HLA-DPB1: variants seen among roughly 807,000 people sequenced by gnomAD.
The protein encoded by HLA-DPB1 is major histocompatibility complex, class II, DP beta 1, also known as HLA class II histocompatibility antigen, DP beta 1 chain.
Under a neutral mutation model 29.4 loss-of-function variants are expected in HLA-DPB1, and 30 were observed. That is an observed-to-expected ratio of 1.02 (90% CI 0.76 to 1.38). The LOEUF (loss-of-function observed/expected upper bound fraction) is 1.38, where lower values mean the gene tolerates loss of function less well. HLA-DPB1 is among the 40% of genes most tolerant of loss of function. The pLI, the probability that HLA-DPB1 is intolerant of heterozygous loss-of-function variation, is 0.00. For synonymous variants in HLA-DPB1, 114 were observed against 134.0 expected (o/e 0.85, Z 1.03); for missense variants, 261 against 327.5 (o/e 0.80, Z 1.57).
chr6:33,081,986 A>G (rs1482112646), intron 2 of HLA-DPB1: 1 of 151,772 alleles, frequency 6.6e-6, no homozygotes, highest in African/African-American at 2.4e-5. Context: ...TGTGGGATTG[A>G]GCCCTGGACC....
At chr6:33,081,800 CT>C (rs66493667) in intron 2 of HLA-DPB1, among the ~76,000 whole-genome samples, 5,905 of 151,846 alleles carry the variant, frequency 0.039, 166 homozygotes, top group African/African-American at 0.082. Context: ...GTTCATTCGT[CT>C]TTTTCCTTCA....
At chr6:33,086,132 A>G (rs1763088543) in intron 4 of HLA-DPB1, 87 bp from the exon 5 acceptor site, 4 of 1,212,340 alleles carry the variant, frequency 3.3e-6, no homozygotes, top group Admixed American at 3.4e-5. Flanking sequence ...GTGATGGGCA[A>G]TGGAATTTGG....
intron 2 of HLA-DPB1, among the ~76,000 whole-genome samples, chr6:33,081,608 G>A (rs1762870871): frequency 6.6e-6 from 1 of 152,174 alleles, no homozygotes; most frequent in African/African-American, 2.4e-5. Context: ...GGGAAGGTCA[G>A]AAAACAGAAG....
In HLA-DPB1 at chr6:33,078,336, A is replaced by T. The variant is rs376013099; in HGVS notation, c.100+2195A>T. On this transcript the variant is annotated intron_variant, in intron 1 of 5. Transcript: ENST00000418931. ...GGAGGGAGAGCTGGAGCCATAGGGG[A>T]GTGGGTAAAGTGGGCAGGGCTGATT... 2.3e-3 allele frequency among the ~76,000 whole-genome samples: 346 copies of T among 152,176 alleles called. 10 individuals carry two copies. In the South Asian group the frequency reaches 0.057, roughly 25 times the overall value.
In HLA-DPB1 at chr6:33,085,902, G is replaced by A. The variant is rs372955150; in HGVS notation, c.757+13G>A. The A allele has an allele frequency of 3.9e-6, 6 of 1,554,880 alleles. No individual in the cohort carries two copies. Among genetic ancestry groups the A allele is most frequent in the Admixed American group, 1.7e-5 (1 of 59,316 alleles). ...AGGAGCAAGAAAGGTGAGAAAGCCTGCAGGGTGAGCGGGACTTACCTTCCC... is the reference window on the plus strand; with the variant it reads ...AGGAGCAAGAAAGGTGAGAAAGCCTACAGGGTGAGCGGGACTTACCTTCCC... On this transcript the variant is annotated intron_variant, in intron 4 of 5. Coordinates refer to ENST00000418931, the MANE Select transcript of HLA-DPB1 (RefSeq NM_002121.6).
chr6:33,082,128 G>A (rs1369313756), intron 2 of HLA-DPB1: 1 of 152,324 alleles, frequency 6.6e-6, no homozygotes, highest in African/African-American at 2.4e-5. Context: ...GACACACTGG[G>A]TGGGGATGAG....
intron 2 of HLA-DPB1, among the ~76,000 whole-genome samples, chr6:33,082,705 T>G: frequency 1.3e-5 from 2 of 150,698 alleles, no homozygotes; most frequent in African/African-American, 2.4e-5. Flanking sequence ...AAGGGAGAGG[T>G]GGAAGGGGGA....
rs372822875 is a variant in HLA-DPB1, at chr6:33,089,404, C to T, written c.*2870C>T. 4.0e-3 allele frequency among the ~76,000 whole-genome samples: 616 copies of T among 152,268 alleles called. 7 individuals are homozygous for T. Among genetic ancestry groups the T allele is most frequent in the African/African-American group, 0.014 (595 of 41,538 alleles). The stretch of plus-strand genomic sequence containing the variant: ...ATATCCAGGTTTGGCTCATGTTACA[C>T]GTCCAAAGTAAGTCATGCAGGAAGC... On this transcript the variant is annotated 3_prime_UTR_variant, in exon 6 of 6. Transcript: ENST00000418931.
At position 33,080,877 on chromosome 6, in the gene HLA-DPB1, G is replaced by T. The variant is rs377295463; in HGVS notation, c.306G>T (p.Pro102=). The change falls in exon 2 of 6, where the codon CCG becomes CCT. Residue 102 remains proline (P), a synonymous_variant. Coordinates refer to ENST00000418931, the MANE Select transcript of HLA-DPB1 (RefSeq NM_002121.6). This position sits in a 1 kb window ranked among gnomAD's most constrained non-coding sequence, Gnocchi z 4.3. ...TCCTGGAGGAGAAGCGGGCAGTGCC[G>T]GACAGGATGTGCAGACACAACTACG... ...KDILEEKRAV[P]DRMCRHNYEL... 3.1e-6 allele frequency: 5 copies of T among 1,612,332 alleles called. 1 individual carries two copies. Among genetic ancestry groups the T allele is most frequent in the Non-Finnish European group, 4.2e-6 (5 of 1,179,422 alleles).
chr6:33,077,388 T>C (rs1345828694), intron 1 of HLA-DPB1, among the ~76,000 whole-genome samples: 1 of 152,088 alleles, frequency 6.6e-6, no homozygotes, highest in Non-Finnish European at 1.5e-5. Flanking sequence ...TATGTGTGCA[T>C]GTGTCTTTAT....
At chr6:33,077,545 T>C (rs1292297500) in intron 1 of HLA-DPB1, among the ~76,000 whole-genome samples, 1 of 152,118 alleles carries the variant, frequency 6.6e-6, no homozygotes, top group Non-Finnish European at 1.5e-5. Context: ...CATTAAAAAG[T>C]CAGGAAACAA....
chr6:33,084,843 C>CAAA, intron 2 of HLA-DPB1, 107 bp from the exon 3 acceptor site: 1 of 659,590 alleles, frequency 1.5e-6, no homozygotes, highest in South Asian at 2.0e-5. Flanking sequence ...GATTATGTCT[C>CAAA]AAAAAAAAGG....
intron 2 of HLA-DPB1, among the ~76,000 whole-genome samples, chr6:33,081,635 G>C (rs2150374102): frequency 6.6e-6 from 1 of 152,248 alleles, no homozygotes; most frequent in Middle Eastern, 3.4e-3. Context: ...AGTGGGTTTG[G>C]AAACCAGGGA....
At position 33,089,162 on chromosome 6, in the gene HLA-DPB1, G is replaced by A. The variant is rs116233905; in HGVS notation, c.*2628G>A. Among the ~76,000 whole-genome samples the A allele has an allele frequency of 6.6e-6, 1 of 152,268 alleles. No individual in the cohort carries two copies. The highest frequency in any genetic ancestry group is 1.5e-5 in the Non-Finnish European group (1 of 68,006). On this transcript the variant is annotated 3_prime_UTR_variant, in exon 6 of 6. Transcript: ENST00000418931. ...TTGAAAGGGGTTTTAATAACCACTT[G>A]CTACCAGGCCAGTGAACACTTACCA... is the stretch of plus-strand genomic sequence containing the variant.
intron 4 of HLA-DPB1, 62 bp downstream of exon 4, chr6:33,085,951 C>T (rs9277473): frequency 0.31 from 339,252 of 1,098,548 alleles, 57,582 homozygotes; most frequent in East Asian, 0.6. Flanking sequence ...ACTTATTCCA[C>T]GATGAGGGGT....
Position 33,080,447 on chromosome 6 carries a change from G to GCAGTGAGT in HLA-DPB1, c.101-224_101-223insAGTGAGTC, listed in dbSNP as rs199519145. 0.012 allele frequency: 8,499 copies of GCAGTGAGT among 721,954 alleles called. 150 individuals are homozygous for GCAGTGAGT. Among genetic ancestry groups the GCAGTGAGT allele is most frequent in the African/African-American group, 0.065 (3,711 of 57,150 alleles). 44.7% of individuals were successfully genotyped at this position (721,954 alleles called of 1,614,324 possible). ...CCTAGTGATCACTCAGTGCCCCTGA[G>GCAGTGAGT]CTCATTCTTTTCAGTAAATTCTCTC... is the stretch of plus-strand genomic sequence containing the variant. On this transcript the variant is annotated intron_variant, in intron 1 of 5. Transcript: ENST00000418931. The surrounding 1 kb of genome is among the most constrained non-coding windows in gnomAD (Gnocchi z 4.3).
chr6:33,085,330 GC>G, intron 3 of HLA-DPB1, 99 bp downstream of exon 3: 1 of 1,081,466 alleles, frequency 9.2e-7, no homozygotes, highest in Non-Finnish European at 1.3e-6. Flanking sequence ...ATACCCTGGG[GC>G]CATGTCCAAA....
chr6:33,084,345 T>C (rs1562155848), intron 2 of HLA-DPB1, among the ~76,000 whole-genome samples: 1 of 152,208 alleles, frequency 6.6e-6, no homozygotes, highest in Non-Finnish European at 1.5e-5. Context: ...GCTATATACT[T>C]ACTAACTATT....
At position 33,076,000 on chromosome 6, in the gene HLA-DPB1, C is replaced by G; in HGVS notation, c.-42C>G. ...CTCCCTTTAGCGAGTCCTTCTTTTC[C>G]TGACTGCAGCTCTTTTCATTTTGCC... On this transcript the variant is annotated 5_prime_UTR_variant, in exon 1 of 6. Transcript: ENST00000418931. 6.7e-7 allele frequency: 1 copy of G among 1,484,738 alleles called. No individual in the cohort carries two copies. The highest frequency in any genetic ancestry group is 1.2e-5 in the South Asian group (1 of 84,972). 92.0% of individuals were successfully genotyped at this position (1,484,738 alleles called of 1,614,324 possible). A position where few individuals can be genotyped will look rare whatever the true frequency, so the allele number is the denominator to read the frequency against.
Sources: gnomAD v4.1 joint callset for allele counts (sites outside exome capture counted in the v4.1 genomes callset) on GRCh38, gnomAD v4.1.1 for gene constraint, Gnocchi (gnomAD v3.1) non-coding constraint, MANE v1.5 for transcripts, NCBI Gene and HGNC (gene_info 2026-07-23, HGNC 2026-07-21) for gene names.